Variants in FRRS1 observed in about 807,000 individuals in gnomAD.
The protein encoded by FRRS1 is ferric chelate reductase 1, also known as ferric reductase 1.
FRRS1 carries 51 observed loss-of-function variants against 70.7 expected under a neutral mutation model. That is an observed-to-expected ratio of 0.72 (90% CI 0.58 to 0.91). The LOEUF (loss-of-function observed/expected upper bound fraction) is 0.91. Ranked by LOEUF, FRRS1 falls within the 40% of genes least tolerant of loss-of-function variation. FRRS1 has a pLI of 0.00. For missense variants in FRRS1, 672 were observed against 726.0 expected (o/e 0.93, Z 0.86); for synonymous variants, 225 against 238.7 (o/e 0.94, Z 0.53).
intron 6 of FRRS1, among the ~76,000 whole-genome samples, chr1:99,739,411 G>T (rs1476513866): frequency 6.6e-6 from 1 of 152,172 alleles, no homozygotes; most frequent in Non-Finnish European, 1.5e-5. Flanking sequence ...TTTCCCTAAA[G>T]CAGCTTTTAA....
chr1:99,750,468 A>T (rs1365096037), intron 1 of FRRS1, among the ~76,000 whole-genome samples: 4 of 152,212 alleles, frequency 2.6e-5, no homozygotes, highest in Non-Finnish European at 4.4e-5. Flanking sequence ...AAACATTATG[A>T]TTAAGATGCT....
chr1:99,761,899 C>G (rs1283190459), intron 1 of FRRS1, among the ~76,000 whole-genome samples: 1 of 152,144 alleles, frequency 6.6e-6, no homozygotes, highest in Non-Finnish European at 1.5e-5. Flanking sequence ...TTAACAATTA[C>G]TAAGGGCTTA....
At chr1:99,722,173 C>T (rs898460661) in intron 9 of FRRS1, among the ~76,000 whole-genome samples, 2 of 151,880 alleles carry the variant, frequency 1.3e-5, no homozygotes, top group African/African-American at 4.8e-5. Flanking sequence ...CCATGCCCAG[C>T]TAATTTTTGT....
At chr1:99,745,683 C>CTAAA (rs58780688) in intron 4 of FRRS1, among the ~76,000 whole-genome samples, 1 of 151,284 alleles carries the variant, frequency 6.6e-6, no homozygotes, top group African/African-American at 2.4e-5. Flanking sequence ...GACTCTGTCT[C>CTAAA]TAAATAAATA....
intron 5 of FRRS1, among the ~76,000 whole-genome samples, chr1:99,741,824 T>C (rs1410953843): frequency 6.6e-6 from 1 of 152,244 alleles, no homozygotes; most frequent in South Asian, 2.1e-4. Flanking sequence ...AAATGTCTAT[T>C]AAATGTGTAT....
intron 8 of FRRS1, among the ~76,000 whole-genome samples, 187 bp downstream of exon 8, chr1:99,729,463 G>A (rs766635986): frequency 6.6e-5 from 10 of 152,216 alleles, no homozygotes; most frequent in Non-Finnish European, 1.2e-4. Flanking sequence ...TCCTACAACA[G>A]AAACTTCTGA....
chr1:99,713,935 G>A (rs1195479825), intron 12 of FRRS1, among the ~76,000 whole-genome samples: 2 of 152,140 alleles, frequency 1.3e-5, no homozygotes, highest in Middle Eastern at 3.2e-3. Flanking sequence ...TAATGGAAGC[G>A]TGTGCCAGGC....
Position 99,705,301 on chromosome 1 carries a change from A to G in FRRS1, c.*3727T>C, listed in dbSNP as rs1654006386. Among the ~76,000 whole-genome samples the G allele has an allele frequency of 6.6e-6, 1 of 152,188 alleles. No homozygotes were observed. Among genetic ancestry groups the G allele is most frequent in the Non-Finnish European group, 1.5e-5 (1 of 68,026 alleles). On this transcript the variant is annotated 3_prime_UTR_variant, in exon 17 of 17. Transcript: ENST00000646001. ...AGAAGGGCATTCCAGGCTGGTAACC[A>G]TCTGTGACCTGGGTGCAGAGATGAG...
intron 4 of FRRS1, 95 bp downstream of exon 4, chr1:99,747,199 G>T: frequency 2.3e-6 from 2 of 880,964 alleles, no homozygotes; most frequent in Non-Finnish European, 3.5e-6. Flanking sequence ...AGTCTGGGGG[G>T]AGTCAAAAGT....
rs756059650 is a variant in FRRS1 at position 99,709,133 on chromosome 1, T to C, written c.1687-13A>G. The C allele has an allele frequency of 1.2e-6, 2 of 1,608,514 alleles. No homozygotes were observed. Among genetic ancestry groups the C allele is most frequent in the East Asian group, 2.2e-5 (1 of 44,814 alleles). On this transcript the variant is annotated splice_polypyrimidine_tract_variant and intron_variant, in intron 16 of 16. Transcript: ENST00000646001. Reference sequence around the variant, plus strand: ...TAAAAGCATGACCCTGAAAGAAAAATTGAGATATGAAAAAAAAAAGTATTA... The same window carrying C: ...TAAAAGCATGACCCTGAAAGAAAAACTGAGATATGAAAAAAAAAAGTATTA...
chr1:99,704,998 G>A lies in FRRS1; in HGVS notation c.*4030C>T, dbSNP rs148808561. ...TGGTACACCAAGGCAAGAACCCAGG[G>A]ATACAGAAAGCCCTCTGTCCTTGCA... is the stretch of plus-strand genomic sequence containing the variant. On this transcript the variant is annotated 3_prime_UTR_variant, in exon 17 of 17. Transcript: ENST00000646001. Among the ~76,000 whole-genome samples, 216 of 152,282 alleles carry A rather than the reference G, an allele frequency of 1.4e-3. 1 individual carries two copies. Among genetic ancestry groups the A allele is most frequent in the Non-Finnish European group, 2.3e-3 (156 of 68,022 alleles).
intron 7 of FRRS1, among the ~76,000 whole-genome samples, chr1:99,735,077 G>A (rs879893754): frequency 1.3e-5 from 2 of 152,160 alleles, no homozygotes; most frequent in Non-Finnish European, 2.9e-5. Flanking sequence ...TAAACTCATA[G>A]GTAAGTTCTT....
At chr1:99,742,122 G>T in intron 5 of FRRS1, 57 bp downstream of exon 5, 1 of 1,100,264 alleles carries the variant, frequency 9.1e-7, no homozygotes, top group Non-Finnish European at 1.4e-6. Context: ...CCAAAGTGCT[G>T]GGATTATAGG....
intron 7 of FRRS1, among the ~76,000 whole-genome samples, chr1:99,730,723 T>C (rs371235931): frequency 2.8e-4 from 43 of 152,068 alleles, no homozygotes; most frequent in African/African-American, 7.2e-4. Context: ...AAAAATTAGC[T>C]GGGCATGGTA....
At chr1:99,745,628 G>A (rs1219262211) in intron 4 of FRRS1, among the ~76,000 whole-genome samples, 2 of 152,154 alleles carry the variant, frequency 1.3e-5, no homozygotes, top group African/African-American at 4.8e-5. Context: ...AGGCTGCAGT[G>A]AGCTGAGATC....
intron 12 of FRRS1, among the ~76,000 whole-genome samples, chr1:99,715,088 C>T (rs1008200429): frequency 6.6e-6 from 1 of 151,976 alleles, no homozygotes; most frequent in Non-Finnish European, 1.5e-5. Context: ...AATTCCTGAG[C>T]TCAAGCAATC....
At chr1:99,719,763 A>T (rs1654723509) in intron 9 of FRRS1, 116 bp from the exon 10 acceptor site, 2 of 612,774 alleles carry the variant, frequency 3.3e-6, no homozygotes, top group South Asian at 2.0e-5. Context: ...ATAAAAAATA[A>T]TTAAATATCA....
chr1:99,756,975 T>C (rs1041934598), intron 1 of FRRS1, among the ~76,000 whole-genome samples: 5 of 152,000 alleles, frequency 3.3e-5, no homozygotes, highest in African/African-American at 7.2e-5. Context: ...TGCATAGGTA[T>C]GAGGCAACAA....
chr1:99,717,883 A>G (rs187090935), intron 10 of FRRS1, among the ~76,000 whole-genome samples: 77 of 152,320 alleles, frequency 5.1e-4, no homozygotes, highest in South Asian at 1.7e-3. Context: ...CAAAGTTGGA[A>G]TACAAACCCT....
Sources: allele counts gnomAD v4.1 joint callset (sites outside exome capture counted in the v4.1 genomes callset), GRCh38; gene constraint gnomAD v4.1.1; transcripts MANE v1.5; gene names NCBI Gene and HGNC (gene_info 2026-07-23, HGNC 2026-07-21).